The following OR2Z1 variants were observed in gnomAD, a reference collection of about 807,000 sequenced individuals.
The protein encoded by OR2Z1 is olfactory receptor 2Z1.
For missense variants in OR2Z1, 449 were observed against 401.8 expected (o/e 1.12, Z -1.00); for synonymous variants, 188 against 160.6 (o/e 1.17, Z -1.29).
At position 8,731,657 on chromosome 19, in the gene OR2Z1, C is replaced by T; in HGVS notation, c.629C>T (p.Pro210Leu). ...STSGVLILML[P>L]LSLIATSYGH... Reference sequence around the variant, plus strand: ...TCAGGGGTGCTGATCCTAATGCTCCCTCTTTCCCTCATCGCCACCTCCTAC... The same window carrying T: ...TCAGGGGTGCTGATCCTAATGCTCCTTCTTTCCCTCATCGCCACCTCCTAC... Residue 210 changes from proline to leucine, a missense_variant, in exon 3 of 3, where the codon CCT becomes CTT. Transcript: ENST00000641125. 6.2e-7 allele frequency: 1 copy of T among 1,614,168 alleles called. No individual in the cohort carries two copies. The highest frequency in any genetic ancestry group is 8.5e-7 in the Non-Finnish European group (1 of 1,180,030).
intron 2 of OR2Z1, among the ~76,000 whole-genome samples, chr19:8,727,589 G>A (rs111919955): frequency 9.3e-4 from 141 of 152,228 alleles, no homozygotes; most frequent in African/African-American, 2.7e-3. Context: ...AGTTGAGGAC[G>A]GGCACAGTGG....
intron 2 of OR2Z1, among the ~76,000 whole-genome samples, chr19:8,724,519 A>G (rs1211924086): frequency 6.6e-6 from 1 of 152,134 alleles, no homozygotes; most frequent in Non-Finnish European, 1.5e-5. Context: ...CACCACACCC[A>G]GCCTAATAGT....
At chr19:8,724,807 C>A (rs1360653391) in intron 2 of OR2Z1, among the ~76,000 whole-genome samples, 1 of 152,084 alleles carries the variant, frequency 6.6e-6, no homozygotes, top group Non-Finnish European at 1.5e-5. Flanking sequence ...AGGAGCTGCC[C>A]AGCTCTCAGA....
At chr19:8,729,227 T>G (rs2043340509) in intron 2 of OR2Z1, 1 of 670,030 alleles carries the variant, frequency 1.5e-6, no homozygotes, top group African/African-American at 1.8e-5. Context: ...GCCCAATAGG[T>G]AGTTTTTTAA....
Position 8,731,705 on chromosome 19 carries a change from T to A in OR2Z1, c.677T>A (p.Leu226Gln). 6.2e-7 allele frequency: 1 copy of A among 1,614,074 alleles called. No homozygotes were observed. The highest frequency in any genetic ancestry group is 8.5e-7 in the Non-Finnish European group (1 of 1,179,918). ...TACGGCCACGTGTTGCAGGCTGTTC[T>A]AAGCATGCGCTCAGAGGAGGCCAGA... The part of the protein sequence containing the change: ...TSYGHVLQAV[L>Q]SMRSEEARHK... Residue 226 changes from leucine (L) to glutamine (Q), a missense_variant, in exon 3 of 3, where the codon CTA becomes CAA. Transcript: ENST00000641125.
rs1555756677 is a variant in OR2Z1 at position 8,731,068 on chromosome 19, C to T, written c.40C>T (p.Leu14=). 4 of 1,614,046 alleles carry T rather than the reference C, an allele frequency of 2.5e-6. No individual in the cohort carries two copies. The highest frequency in any genetic ancestry group is 3.4e-6 in the Non-Finnish European group (4 of 1,180,020). The part of the protein sequence containing the change: ...VNQSVASDFI[L]VGLFSHSGSR... Reference sequence around the variant, plus strand: ...TCAGTCGGTGGCCTCAGACTTCATTCTGGTGGGCCTCTTCAGTCACTCAGG... The same window carrying T: ...TCAGTCGGTGGCCTCAGACTTCATTTTGGTGGGCCTCTTCAGTCACTCAGG... Residue 14 remains leucine, a synonymous_variant, in exon 3 of 3, where the codon CTG becomes TTG. Coordinates refer to ENST00000641125, the MANE Select transcript of OR2Z1 (RefSeq NM_001004699.3).
Position 8,732,014 on chromosome 19 carries a change from C to T in OR2Z1, c.*41C>T. ...TGGTGAGATTCCAGCGGTCCTCGAT[C>T]CCACCCACCTTCCCAAAGTATGCAT... On this transcript the variant is annotated 3_prime_UTR_variant, in exon 3 of 3. Coordinates refer to ENST00000641125, the MANE Select transcript of OR2Z1 (RefSeq NM_001004699.3). The T allele has an allele frequency of 6.9e-7, 1 of 1,455,040 alleles. No individual in the cohort carries two copies. The highest frequency in any genetic ancestry group is 9.5e-7 in the Non-Finnish European group (1 of 1,058,194). The allele number at this position is 1,455,040 out of a possible 1,614,324, so 90.1% of individuals were successfully genotyped here.
At chr19:8,724,002 GTGTGTGTGTA>G (rs1489497938) in intron 2 of OR2Z1, among the ~76,000 whole-genome samples, 38 of 118,260 alleles carry the variant, frequency 3.2e-4, no homozygotes, top group African/African-American at 1.3e-3. Flanking sequence ...GTGTGTGTGT[GTGTGTGTGTA>G]TGTGTGTGTG....
intron 2 of OR2Z1, among the ~76,000 whole-genome samples, chr19:8,728,428 G>A (rs533014815): frequency 4.6e-5 from 7 of 152,272 alleles, no homozygotes; most frequent in African/African-American, 1.7e-4. Flanking sequence ...CCCATCCAAT[G>A]CAGTGAAGCC....
At chr19:8,727,149 G>T (rs1322447089) in intron 2 of OR2Z1, among the ~76,000 whole-genome samples, 15 of 152,062 alleles carry the variant, frequency 9.9e-5, no homozygotes, top group Non-Finnish European at 2.9e-5. Flanking sequence ...ACCCTATGTT[G>T]CCCAGGCTGG....
At chr19:8,723,999 TG>T (rs2043317294) in intron 2 of OR2Z1, among the ~76,000 whole-genome samples, 18 of 133,944 alleles carry the variant, frequency 1.3e-4, no homozygotes, top group South Asian at 4.2e-4. Flanking sequence ...TGTGTGTGTG[TG>T]TGTGTGTGTG....
At chr19:8,730,450 C>T (rs1190403987) in intron 2 of OR2Z1, among the ~76,000 whole-genome samples, 2 of 151,644 alleles carry the variant, frequency 1.3e-5, no homozygotes, top group East Asian at 1.9e-4. Flanking sequence ...GATGGAGTCT[C>T]GCTCTGTTGC....
intron 2 of OR2Z1, among the ~76,000 whole-genome samples, chr19:8,724,104 T>A (rs1279091633): frequency 1.3e-5 from 2 of 151,992 alleles, no homozygotes; most frequent in Non-Finnish European, 2.9e-5. Flanking sequence ...GACTTTGGAA[T>A]TAAATCTCAT....
At position 8,731,555 on chromosome 19, in the gene OR2Z1, A is replaced by G. The variant is rs533766243; in HGVS notation, c.527A>G (p.His176Arg). Residue 176 changes from histidine (H) to arginine (R), a missense_variant, in exon 3 of 3, where the codon CAC becomes CGC. Coordinates refer to ENST00000641125, the MANE Select transcript of OR2Z1 (RefSeq NM_001004699.3). ...TACTGTGCCTCCCGTATTGTGGATC[A>G]CTTCTTCTGTGAGGTGCCAGCCCTA... ...FPYCASRIVD[H>R]FFCEVPALLK... 4 of 1,613,882 alleles carry G rather than the reference A, an allele frequency of 2.5e-6. No homozygotes were observed. The African/African-American group carries it at 4.0e-5, about 16-fold the overall frequency.
At chr19:8,726,497 T>C (rs1446697528) in intron 2 of OR2Z1, among the ~76,000 whole-genome samples, 1 of 152,240 alleles carries the variant, frequency 6.6e-6, no homozygotes, top group East Asian at 1.9e-4. Flanking sequence ...TGACCACGTC[T>C]TGTAGTGTCC....
At position 8,730,887 on chromosome 19, in the gene OR2Z1, A is replaced by G. The variant is rs2043349534; in HGVS notation, c.-142A>G. ...TACTGATTCTAGCTGCAGCCTCATT[A>G]CTCTTCTCAAGACACCATCCCAGGA... On this transcript the variant is annotated 5_prime_UTR_variant, in exon 3 of 3. Transcript: ENST00000641125. The G allele has an allele frequency of 1.6e-6, 1 of 639,356 alleles. No homozygotes were observed. The highest frequency in any genetic ancestry group is 1.8e-5 in the African/African-American group (1 of 54,458). 39.6% of individuals were successfully genotyped at this position (639,356 alleles called of 1,614,324 possible).
In OR2Z1 at chr19:8,731,123, C is replaced by T. The variant is rs2043351189; in HGVS notation, c.95C>T (p.Ala32Val). ...CGCCAGCTCCTCTTCTCCCTGGTGG[C>T]TGTCATGTTTGTCATAGGCCTTCTG... ...GSRQLLFSLVAVMFVIGLLGN... is the reference protein window; with the variant it reads ...GSRQLLFSLVVVMFVIGLLGN... Residue 32 changes from alanine to valine, a missense_variant, in exon 3 of 3, where the codon GCT becomes GTT. Transcript: ENST00000641125. 6.2e-7 allele frequency: 1 copy of T among 1,614,000 alleles called. No homozygotes were observed. Among genetic ancestry groups the T allele is most frequent in the African/African-American group, 1.3e-5 (1 of 74,896 alleles).
chr19:8,723,442 C>T (rs1555755850), intron 2 of OR2Z1, among the ~76,000 whole-genome samples: 1 of 152,144 alleles, frequency 6.6e-6, no homozygotes, highest in African/African-American at 2.4e-5. Flanking sequence ...TTACATTGCT[C>T]ATCAGACTAT....
intron 2 of OR2Z1, among the ~76,000 whole-genome samples, chr19:8,723,395 TC>T (rs1452883680): frequency 2.0e-5 from 3 of 152,124 alleles, no homozygotes; most frequent in African/African-American, 7.2e-5. Context: ...CAGAGTTTCA[TC>T]CCCTGGGTAC....
Sources: gnomAD v4.1 joint callset for allele counts (sites outside exome capture counted in the v4.1 genomes callset) on GRCh38, gnomAD v4.1.1 for gene constraint, MANE v1.5 for transcripts, NCBI Gene and HGNC (gene_info 2026-07-23, HGNC 2026-07-21) for gene names.